The following KHDRBS2 variants were observed in gnomAD, a reference collection of about 807,000 sequenced individuals.
KHDRBS2 encodes the protein KH RNA binding domain containing, signal transduction associated 2.
KHDRBS2 carries 26 observed loss-of-function variants against 44.3 expected under a neutral mutation model. The observed-to-expected ratio is 0.59, with a 90% CI of 0.43 to 0.81. The LOEUF is 0.81. Ranked by LOEUF, KHDRBS2 falls within the 40% of genes least tolerant of loss-of-function variation. The probability of loss-of-function intolerance (pLI) is 0.00; values close to 1 mark genes in which losing one functional copy is unlikely to be tolerated. For missense variants in KHDRBS2, 476 were observed against 433.1 expected (o/e 1.10, Z -0.88); for synonymous variants, 194 against 151.1 (o/e 1.28, Z -2.08).
chr6:61,736,421 G>A (rs1486861666), intron 6 of KHDRBS2, among the ~76,000 whole-genome samples: 1 of 151,948 alleles, frequency 6.6e-6, no homozygotes, highest in Non-Finnish European at 1.5e-5. Context: ...TTGAGGATCT[G>A]CCTGGTCAGT....
intron 6 of KHDRBS2, among the ~76,000 whole-genome samples, chr6:61,799,626 C>A (rs1303694668): frequency 6.6e-6 from 1 of 151,904 alleles, no homozygotes; most frequent in Non-Finnish European, 1.5e-5. Flanking sequence ...AAACCAAAAC[C>A]TGCCATCAAA....
At chr6:61,879,126 A>C (rs1799864366) in intron 6 of KHDRBS2, among the ~76,000 whole-genome samples, 1 of 151,976 alleles carries the variant, frequency 6.6e-6, no homozygotes, top group African/African-American at 2.4e-5. Context: ...TGTACTTACT[A>C]CATCAAATAG....
At chr6:62,215,677 G>A (rs1310490622) in intron 1 of KHDRBS2, among the ~76,000 whole-genome samples, 1 of 151,368 alleles carries the variant, frequency 6.6e-6, no homozygotes, top group Non-Finnish European at 1.5e-5. Flanking sequence ...TCAACCCACC[G>A]GAATAAACAA....
intron 3 of KHDRBS2, among the ~76,000 whole-genome samples, chr6:62,044,715 G>A (rs1277402046): frequency 6.6e-6 from 1 of 151,960 alleles, no homozygotes; most frequent in Non-Finnish European, 1.5e-5. Context: ...CCCTCATGTG[G>A]CTTCAGTTAT....
At chr6:61,555,197 C>T in the KHDRBS2 span, among the ~76,000 whole-genome samples, 4 of 152,018 alleles carry the variant, frequency 2.6e-5, no homozygotes, top group Non-Finnish European at 5.9e-5. Context: ...AAGTTTTGTT[C>T]ATTCAACTTT....
intron 6 of KHDRBS2, chr6:61,814,021 C>A (rs1344944371): frequency 2.2e-6 from 1 of 455,768 alleles, no homozygotes; most frequent in African/African-American, 2.0e-5. Flanking sequence ...GGTTGAACTC[C>A]AATTAGATTA....
At chr6:61,984,717 C>A (rs556312609) in intron 3 of KHDRBS2, among the ~76,000 whole-genome samples, 2 of 152,334 alleles carry the variant, frequency 1.3e-5, no homozygotes, top group South Asian at 4.1e-4. Context: ...CAGTACTGAG[C>A]AACTGCCACA....
At chr6:61,763,918 C>T (rs1317393919) in intron 6 of KHDRBS2, among the ~76,000 whole-genome samples, 2 of 152,128 alleles carry the variant, frequency 1.3e-5, no homozygotes, top group Non-Finnish European at 2.9e-5. Context: ...CACCTATCAA[C>T]ACCCATCACC....
At chr6:61,795,360 C>T (rs1291900796) in intron 6 of KHDRBS2, among the ~76,000 whole-genome samples, 2 of 151,796 alleles carry the variant, frequency 1.3e-5, no homozygotes, top group African/African-American at 4.8e-5. Context: ...AAAAGGGAGG[C>T]ATGTCAACTT....
the KHDRBS2 span, among the ~76,000 whole-genome samples, chr6:61,553,423 C>T: frequency 6.6e-6 from 1 of 151,682 alleles, no homozygotes; most frequent in Non-Finnish European, 1.5e-5. Flanking sequence ...AGTAGTCTGT[C>T]TATCCTATTT....
intron 6 of KHDRBS2, among the ~76,000 whole-genome samples, chr6:61,828,499 T>C (rs1791282750): frequency 6.6e-6 from 1 of 152,202 alleles, no homozygotes; most frequent in Admixed American, 6.5e-5. Flanking sequence ...TTATCTTTCA[T>C]TTCATTATTA....
intron 2 of KHDRBS2, among the ~76,000 whole-genome samples, chr6:62,140,686 C>G (rs1351680649): frequency 6.6e-6 from 1 of 152,130 alleles, no homozygotes; most frequent in Non-Finnish European, 1.5e-5. Flanking sequence ...GTATTAAGAA[C>G]CTCTGTTATT....
chr6:61,756,151 G>A (rs949426932), intron 6 of KHDRBS2, among the ~76,000 whole-genome samples: 2 of 152,106 alleles, frequency 1.3e-5, no homozygotes, highest in African/African-American at 4.8e-5. Flanking sequence ...TGTTTGACAA[G>A]TCTAATAGAC....
intron 7 of KHDRBS2, among the ~76,000 whole-genome samples, chr6:61,722,277 G>C (rs1210040017): frequency 2.0e-5 from 3 of 152,136 alleles, no homozygotes; most frequent in Non-Finnish European, 4.4e-5. Context: ...TTGGTATCAG[G>C]ATGATGCTGG....
At chr6:62,091,009 A>G (rs1799393652) in intron 2 of KHDRBS2, among the ~76,000 whole-genome samples, 2 of 152,162 alleles carry the variant, frequency 1.3e-5, no homozygotes, top group Admixed American at 1.3e-4. Flanking sequence ...TATGGGTGAC[A>G]CTGTAATTGG....
chr6:61,931,813 C>T (rs886592130), intron 4 of KHDRBS2, among the ~76,000 whole-genome samples: 1 of 151,994 alleles, frequency 6.6e-6, no homozygotes, highest in African/African-American at 2.4e-5. Context: ...CCACCTCCTC[C>T]ACCTCTTCTG....
At chr6:61,594,487 G>GT in the KHDRBS2 span, among the ~76,000 whole-genome samples, 402 of 152,114 alleles carry the variant, frequency 2.6e-3, 4 homozygotes, top group African/African-American at 9.3e-3. Context: ...TTTGCAAAAA[G>GT]TTTTTAGGAA....
intron 2 of KHDRBS2, among the ~76,000 whole-genome samples, chr6:62,102,504 A>AG (rs557632667): frequency 8.8e-4 from 134 of 152,264 alleles, no homozygotes; most frequent in African/African-American, 3.1e-3. Context: ...TCGGCCCCAG[A>AG]GGGCTGAAGC....
intron 4 of KHDRBS2, among the ~76,000 whole-genome samples, chr6:61,908,175 A>G (rs1039148952): frequency 1.3e-5 from 2 of 152,168 alleles, no homozygotes; most frequent in African/African-American, 4.8e-5. Flanking sequence ...TTGTTTTATT[A>G]CTTTAGTATT....
Sources: allele counts gnomAD v4.1 joint callset (sites outside exome capture counted in the v4.1 genomes callset), GRCh38; gene constraint gnomAD v4.1.1; transcripts MANE v1.5; gene names NCBI Gene and HGNC (gene_info 2026-07-23, HGNC 2026-07-21).